Variants in APCDD1 observed in about 807,000 individuals in gnomAD.
The protein encoded by APCDD1 is APC down-regulated 1.
In APCDD1, 15 loss-of-function variants were observed where a neutral mutation model predicts 38.1. That is an observed-to-expected ratio of 0.39 (90% confidence interval 0.26 to 0.61). APCDD1 has a LOEUF of 0.61. APCDD1 is among the 20% of genes least tolerant of loss of function. The pLI, the probability that APCDD1 is intolerant of heterozygous loss-of-function variation, is 0.49. For missense variants in APCDD1, 647 were observed against 696.2 expected (o/e 0.93, Z 0.79); for synonymous variants, 261 against 279.7 (o/e 0.93, Z 0.67).
chr18:10,485,393 C>A lies in APCDD1; in HGVS notation c.775-69C>A. On this transcript the variant is annotated intron_variant, in intron 3 of 4. Coordinates refer to ENST00000355285, the MANE Select transcript of APCDD1 (RefSeq NM_153000.5). This position sits in a 1 kb window ranked among gnomAD's most constrained non-coding sequence, Gnocchi z 5.8. ...TGGTGCCTGGTGAGACCCCATTTGC[C>A]GGAAGCATGTGTGCACTGCTCCCTT... 2 of 1,567,808 alleles carry A rather than the reference C, an allele frequency of 1.3e-6. No individual in the cohort carries two copies. Among genetic ancestry groups the A allele is most frequent in the Non-Finnish European group, 1.7e-6 (2 of 1,146,040 alleles).
Position 10,471,380 on chromosome 18 carries a change from A to C in APCDD1, c.243-150A>C. On this transcript the variant is annotated intron_variant, in intron 2 of 4. Transcript: ENST00000355285. The surrounding 1 kb of genome is among the most constrained non-coding windows in gnomAD (Gnocchi z 5.5). The stretch of plus-strand genomic sequence containing the variant: ...AACTCCTAGGTTGTTGTGAGGAGTC[A>C]ATGAGTTGGTATCTATAAAGGGCTG... The C allele has an allele frequency of 2.0e-6, 2 of 1,007,258 alleles. No homozygotes were observed. Among genetic ancestry groups the C allele is most frequent in the Middle Eastern group, 2.9e-4 (1 of 3,412 alleles). The allele number at this position is 1,007,258 out of a possible 1,614,324, so 62.4% of individuals were successfully genotyped here.
rs35358902 is a variant in APCDD1 at position 10,489,698 on chromosome 18, CA to C, written c.*1674del. 63,902 of 136,970 alleles carry C rather than the reference CA, an allele frequency of 0.47. 13,921 individuals carry two copies. Among genetic ancestry groups the C allele is most frequent in the East Asian group, 0.66 (3,157 of 4,756 alleles). 8.5% of individuals were successfully genotyped at this position (136,970 alleles called of 1,614,324 possible). A position where few individuals can be genotyped will look rare whatever the true frequency, so the allele number is the denominator to read the frequency against. On this transcript the variant is annotated 3_prime_UTR_variant, in exon 5 of 5. Coordinates refer to ENST00000355285, the MANE Select transcript of APCDD1 (RefSeq NM_153000.5). ...TGGGCAACAGAGCGAGACTCCATCTCAAAAAAAAAAAAAAGTAACTTTATGA... is the reference window on the plus strand; with the variant it reads ...TGGGCAACAGAGCGAGACTCCATCTCAAAAAAAAAAAAAGTAACTTTATGA...
intron 1 of APCDD1, among the ~76,000 whole-genome samples, chr18:10,456,256 A>G (rs1485429735): frequency 6.6e-6 from 1 of 152,196 alleles, no homozygotes; most frequent in Admixed American, 6.5e-5. Context: ...CAGAATTTTA[A>G]CAGTCGGGAT....
rs1568005425 is a variant in APCDD1, at chr18:10,475,038, T to C, written c.774+2977T>C. On this transcript the variant is annotated intron_variant, in intron 3 of 4. Transcript: ENST00000355285. This position sits in a 1 kb window ranked among gnomAD's most constrained non-coding sequence, Gnocchi z 4.0. ...TACTGGAGACTTCATTTTCCTTTTC[T>C]GTAAAATGGCAAAAATATAAGAATC... Among the ~76,000 whole-genome samples, 1 of 152,220 alleles carries C rather than the reference T, an allele frequency of 6.6e-6. No individual in the cohort carries two copies. The highest frequency in any genetic ancestry group is 1.5e-5 in the Non-Finnish European group (1 of 68,042).
chr18:10,479,503 A>G (rs2031085135), intron 3 of APCDD1, among the ~76,000 whole-genome samples: 1 of 152,236 alleles, frequency 6.6e-6, no homozygotes, highest in African/African-American at 2.4e-5. Context: ...GAACAGAGAA[A>G]GCCTGGAGAA....
Position 10,485,663 on chromosome 18 carries a change from T to C in APCDD1, c.976T>C (p.Tyr326His). 6.2e-7 allele frequency: 1 copy of C among 1,614,170 alleles called. No individual in the cohort carries two copies. The highest frequency in any genetic ancestry group is 8.5e-7 in the Non-Finnish European group (1 of 1,180,026). The part of the protein sequence containing the change: ...HDNNNTWEGH[Y>H]YHYSDPVCKH... ...CAACAACAACACCTGGGAGGGCCAC[T>C]ACTACCACTACTCAGACCCGGTGTG... Residue 326 changes from tyrosine to histidine, a missense_variant, in exon 4 of 5, where the codon TAC (tyrosine) becomes CAC (histidine). Physicochemically the swap from Tyr to His is moderately conservative, Grantham distance 83. Coordinates refer to ENST00000355285, the MANE Select transcript of APCDD1 (RefSeq NM_153000.5). The surrounding 1 kb of genome is among the most constrained non-coding windows in gnomAD (Gnocchi z 5.8).
Position 10,463,520 on chromosome 18 carries a change from G to A in APCDD1, c.59-4949G>A, listed in dbSNP as rs577678197. On this transcript the variant is annotated intron_variant, in intron 1 of 4. Coordinates refer to ENST00000355285, the MANE Select transcript of APCDD1 (RefSeq NM_153000.5). ...ACCATGACTGATTCTTGAGAAGGAA[G>A]CTTTGGGGTTTACCGGTCTAACTTT... Among the ~76,000 whole-genome samples, 14 of 152,354 alleles carry A rather than the reference G, an allele frequency of 9.2e-5. No homozygotes were observed. The South Asian group carries it at 2.9e-3, about 32-fold the overall frequency.
intron 1 of APCDD1, among the ~76,000 whole-genome samples, chr18:10,455,510 C>G (rs540131182): frequency 6.6e-6 from 1 of 152,322 alleles, no homozygotes; most frequent in South Asian, 2.1e-4. Flanking sequence ...GGGAAAGACA[C>G]GTCTGTCTGC....
chr18:10,474,371 G>A (rs867444762), intron 3 of APCDD1: 2 of 152,274 alleles, frequency 1.3e-5, no homozygotes, highest in Non-Finnish European at 2.9e-5. Context: ...AAGGTCTGCT[G>A]AATAGGAAAA....
intron 1 of APCDD1, among the ~76,000 whole-genome samples, chr18:10,460,545 A>AG (rs778715041): frequency 1.5e-4 from 23 of 150,536 alleles, no homozygotes; most frequent in Admixed American, 1.5e-3. Context: ...AAAAAAAAAA[A>AG]CAAAAAACAA....
chr18:10,479,895 C>T (rs533261650), intron 3 of APCDD1, among the ~76,000 whole-genome samples: 2 of 152,196 alleles, frequency 1.3e-5, no homozygotes, highest in South Asian at 4.1e-4. Context: ...GAACATTGCT[C>T]ATTTATAAAG....
chr18:10,471,530 C>G lies in APCDD1; in HGVS notation c.243C>G (p.Gly81=), dbSNP rs753017595. The G allele has an allele frequency of 6.2e-7, 1 of 1,614,256 alleles. No homozygotes were observed. Among genetic ancestry groups the G allele is most frequent in the East Asian group, 2.2e-5 (1 of 44,888 alleles). ...CTCTTCTTCCCCTTTTCTTGCCCAG[C>G]TGTGAAGTAAGGTCAGGCCCAGAGT... is the stretch of plus-strand genomic sequence containing the variant. ...PTIEGHWVST[G]CEVRSGPEFI... Residue 81 remains glycine (G), a splice_region_variant and synonymous_variant, in exon 3 of 5, where the codon GGC becomes GGG. Coordinates refer to ENST00000355285, the MANE Select transcript of APCDD1 (RefSeq NM_153000.5). This position sits in a 1 kb window ranked among gnomAD's most constrained non-coding sequence, Gnocchi z 5.5.
Position 10,471,810 on chromosome 18 carries a change from C to G in APCDD1, c.523C>G (p.Leu175Val), listed in dbSNP as rs758710972. ...GGTGAACCGCACATGCCCGGGCTTC[C>G]TCGCAGACGGGGGTCCCTGGGTGCA... ...QQVNRTCPGFLADGGPWVQDV... is the reference protein window; with the variant it reads ...QQVNRTCPGFVADGGPWVQDV... Residue 175 changes from leucine (L) to valine (V), a missense_variant, in exon 3 of 5, where the codon CTC becomes GTC. Transcript: ENST00000355285. This position sits in a 1 kb window ranked among gnomAD's most constrained non-coding sequence, Gnocchi z 5.5. 53 of 1,613,646 alleles carry G rather than the reference C, an allele frequency of 3.3e-5. 1 individual carries two copies. The South Asian group carries it at 5.5e-4, about 17-fold the overall frequency.
chr18:10,470,778 A>G lies in APCDD1; in HGVS notation c.243-752A>G, dbSNP rs930877204. Among the ~76,000 whole-genome samples the G allele has an allele frequency of 6.6e-6, 1 of 152,222 alleles. No homozygotes were observed. Among genetic ancestry groups the G allele is most frequent in the Non-Finnish European group, 1.5e-5 (1 of 68,036 alleles). ...ACAGAGCCGTTTGTGAAATCCCTCA[A>G]TTCCATCCCGCTGCTGTTATGCTCT... is the stretch of plus-strand genomic sequence containing the variant. On this transcript the variant is annotated intron_variant, in intron 2 of 4. Coordinates refer to ENST00000355285, the MANE Select transcript of APCDD1 (RefSeq NM_153000.5). The surrounding 1 kb of genome is among the most constrained non-coding windows in gnomAD (Gnocchi z 4.1).
chr18:10,464,341 C>CACACACACACACAT (rs1208428196), intron 1 of APCDD1, among the ~76,000 whole-genome samples: 3 of 150,432 alleles, frequency 2.0e-5, no homozygotes, highest in African/African-American at 7.5e-5. Context: ...CACACACACA[C>CACACACACACACAT]ACAGACACAC....
At chr18:10,480,341 A>G (rs1219643349) in intron 3 of APCDD1, among the ~76,000 whole-genome samples, 1 of 152,248 alleles carries the variant, frequency 6.6e-6, no homozygotes, top group African/African-American at 2.4e-5. Context: ...AAAACATCTC[A>G]GAAAAGAGAA....
At chr18:10,464,450 T>A (rs1245427340) in intron 1 of APCDD1, among the ~76,000 whole-genome samples, 2 of 152,184 alleles carry the variant, frequency 1.3e-5, no homozygotes, top group Admixed American at 1.3e-4. Context: ...AGAGACAGGG[T>A]CTCACTCTGT....
Position 10,483,899 on chromosome 18 carries a change from G to A in APCDD1, c.775-1563G>A, listed in dbSNP as rs938227246. Reference sequence around the variant, plus strand: ...ACCCCCTGGGTGGAAGGAGAATAGCGGAGGGATGACCCAGGTGCAGGAGGA... The same window carrying A: ...ACCCCCTGGGTGGAAGGAGAATAGCAGAGGGATGACCCAGGTGCAGGAGGA... On this transcript the variant is annotated intron_variant, in intron 3 of 4. Coordinates refer to ENST00000355285, the MANE Select transcript of APCDD1 (RefSeq NM_153000.5). Among the ~76,000 whole-genome samples the A allele has an allele frequency of 3.9e-5, 6 of 152,224 alleles. 1 individual carries two copies. The highest frequency in any genetic ancestry group is 4.1e-4 in the South Asian group (2 of 4,830).
In APCDD1 at chr18:10,471,704, G is replaced by A. The variant is rs2030856809; in HGVS notation, c.417G>A (p.Gly139=). 6.2e-7 allele frequency: 1 copy of A among 1,614,012 alleles called. No individual in the cohort carries two copies. The highest frequency in any genetic ancestry group is 8.5e-7 in the Non-Finnish European group (1 of 1,180,046). Residue 139 remains glycine (G), a synonymous_variant, in exon 3 of 5, where the codon GGG becomes GGA. Transcript: ENST00000355285. The surrounding 1 kb of genome is among the most constrained non-coding windows in gnomAD (Gnocchi z 5.5). The stretch of plus-strand genomic sequence containing the variant: ...GCCAGGCCTCCTGGATCATCCGAGG[G>A]GGCACGGAAGCCGACTACCAGCTGC... ...RLRQASWIIR[G]GTEADYQLHN... is the part of the protein sequence containing the mutation.
Sources: gnomAD v4.1 joint callset for allele counts (sites outside exome capture counted in the v4.1 genomes callset) on GRCh38, gnomAD v4.1.1 for gene constraint, Gnocchi (gnomAD v3.1) non-coding constraint, MANE v1.5 for transcripts, NCBI Gene and HGNC (gene_info 2026-07-23, HGNC 2026-07-21) for gene names.